The following SREK1IP1 variants were observed in gnomAD, a reference collection of about 807,000 sequenced individuals.
SREK1IP1 encodes the protein SREK1 interacting protein 1.
SREK1IP1 carries 12 observed loss-of-function variants against 22.8 expected under a neutral mutation model. That is an observed-to-expected ratio of 0.53 (90% CI 0.34 to 0.85). SREK1IP1 has a LOEUF of 0.85. Among genes scored for constraint, SREK1IP1 ranks in the 40% least tolerant of loss-of-function variants. The pLI is 0.02. For missense variants in SREK1IP1, 147 were observed against 171.8 expected, an observed-to-expected ratio of 0.86 and a Z score of 0.81; for synonymous variants, 53 against 52.7, an observed-to-expected ratio of 1.01 and a Z score of -0.02.
chr5:64,740,971 A>C (rs1742541475), intron 3 of SREK1IP1, 86 bp downstream of exon 3: 1 of 1,233,510 alleles, frequency 8.1e-7, no homozygotes, highest in African/African-American at 1.5e-5. Context: ...TATAAAAGAG[A>C]TCTTAGTAAG....
In SREK1IP1 at chr5:64,746,753, G is replaced by A. The variant is rs370998645; in HGVS notation, c.62-5553C>T. On this transcript the variant is annotated intron_variant, in intron 2 of 4. Transcript: ENST00000513458. ...TTCTCCAACTTTCTGGACACTAACT[G>A]GGTGTTCAACAATTCAATTCAATTC... is the stretch of plus-strand genomic sequence containing the variant. 3.3e-5 allele frequency among the ~76,000 whole-genome samples: 5 copies of A among 152,204 alleles called. No homozygotes were observed. The South Asian group carries it at 1.0e-3, about 32-fold the overall frequency.
In SREK1IP1 at chr5:64,746,329, C is replaced by A. The variant is rs1360432491; in HGVS notation, c.62-5129G>T. Among the ~76,000 whole-genome samples, 4 of 152,074 alleles carry A rather than the reference C, an allele frequency of 2.6e-5. No individual in the cohort carries two copies. In the East Asian group the frequency reaches 7.7e-4, roughly 29 times the overall value. On this transcript the variant is annotated intron_variant, in intron 2 of 4. Coordinates refer to ENST00000513458, the MANE Select transcript of SREK1IP1 (RefSeq NM_173829.4). ...GGCAATGGATTCTTAGATCTAACAC[C>A]AAAAGCACAAGCAACAAAAGAAAAA...
At chr5:64,759,671 A>C (rs567701119) in intron 1 of SREK1IP1, among the ~76,000 whole-genome samples, 1 of 152,338 alleles carries the variant, frequency 6.6e-6, no homozygotes, top group African/African-American at 2.4e-5. Context: ...GAAAAAGATC[A>C]GTAACCAACA....
intron 1 of SREK1IP1, among the ~76,000 whole-genome samples, chr5:64,755,992 T>G (rs1742833463): frequency 6.6e-6 from 1 of 152,074 alleles, no homozygotes; most frequent in African/African-American, 2.4e-5. Context: ...AATATCTAAA[T>G]TCAACACTCA....
chr5:64,755,875 G>T (rs1742829983), intron 1 of SREK1IP1, among the ~76,000 whole-genome samples: 1 of 151,446 alleles, frequency 6.6e-6, no homozygotes, highest in Non-Finnish European at 1.5e-5. Context: ...ATACATTAAG[G>T]TTAACAAATA....
At chr5:64,725,037 GT>G (rs1742240075) in intron 4 of SREK1IP1, among the ~76,000 whole-genome samples, 1 of 152,128 alleles carries the variant, frequency 6.6e-6, no homozygotes. Context: ...AAAGCTGAAA[GT>G]TAGCAAAATA....
intron 3 of SREK1IP1, among the ~76,000 whole-genome samples, chr5:64,737,251 A>G (rs1035271885): frequency 1.3e-5 from 2 of 152,056 alleles, no homozygotes; most frequent in Non-Finnish European, 2.9e-5. Context: ...TCTGACCACA[A>G]TGGTATGAAA....
chr5:64,727,553 A>ATTTTTTTTTTTTTTT (rs1186653493), intron 4 of SREK1IP1: 1 of 84,716 alleles, frequency 1.2e-5, no homozygotes, highest in African/African-American at 5.5e-5. Flanking sequence ...ATATATATAT[A>ATTTTTTTTTTTTTTT]TTTTTTTTTT....
intron 3 of SREK1IP1, among the ~76,000 whole-genome samples, chr5:64,730,550 G>A (rs530548127): frequency 1.2e-4 from 18 of 152,230 alleles, no homozygotes; most frequent in African/African-American, 3.1e-4. Context: ...CGAAAGGAAG[G>A]ACAGTCCTTC....
intron 4 of SREK1IP1, chr5:64,727,566 T>TTTGGTGG (rs1742297856): frequency 6.9e-6 from 1 of 144,318 alleles, no homozygotes; most frequent in East Asian, 2.0e-4. Flanking sequence ...TTTTTTTTTT[T>TTTGGTGG]GGTGGGCGGG....
rs1343308090 is a variant in SREK1IP1 at position 64,724,047 on chromosome 5, C to G, written c.*337G>C. On this transcript the variant is annotated 3_prime_UTR_variant, in exon 5 of 5. Transcript: ENST00000513458. The stretch of plus-strand genomic sequence containing the variant: ...ACTCATTAACTGCTAGGTAGATGAC[C>G]CATGTTGATGGCAGTAAAGCCATTT... The G allele has an allele frequency of 4.5e-5, 8 of 177,540 alleles. No homozygotes were observed. The highest frequency in any genetic ancestry group is 9.4e-5 in the Non-Finnish European group (8 of 85,194). The allele number at this position is 177,540 out of a possible 1,614,324, so 11.0% of individuals were successfully genotyped here. A position where few individuals can be genotyped will look rare whatever the true frequency, so the allele number is the denominator to read the frequency against.
intron 1 of SREK1IP1, among the ~76,000 whole-genome samples, chr5:64,763,553 A>G (rs201724398): frequency 6.6e-6 from 1 of 150,964 alleles, no homozygotes; most frequent in Non-Finnish European, 1.5e-5. Context: ...CCCCAAAAAA[A>G]GAAAAAAAAA....
intron 3 of SREK1IP1, among the ~76,000 whole-genome samples, chr5:64,731,161 T>G (rs1742371725): frequency 1.3e-5 from 2 of 152,106 alleles, no homozygotes; most frequent in African/African-American, 4.8e-5. Flanking sequence ...AAAGATCATT[T>G]TCAATGATAA....
At chr5:64,749,105 AT>A (rs1186853449) in intron 2 of SREK1IP1, among the ~76,000 whole-genome samples, 10 of 144,944 alleles carry the variant, frequency 6.9e-5, no homozygotes, top group Non-Finnish European at 1.2e-4. Flanking sequence ...AATAATAATA[AT>A]AAAAACCCTC....
intron 1 of SREK1IP1, among the ~76,000 whole-genome samples, chr5:64,756,632 C>T (rs1742846221): frequency 6.6e-6 from 1 of 151,648 alleles, no homozygotes; most frequent in South Asian, 2.1e-4. Flanking sequence ...TTTTCCTTTT[C>T]CTTTTTTTTT....
intron 2 of SREK1IP1, among the ~76,000 whole-genome samples, chr5:64,754,062 A>T (rs1227647537): frequency 1.3e-5 from 2 of 152,204 alleles, no homozygotes; most frequent in African/African-American, 4.8e-5. Flanking sequence ...TCCTTAATCT[A>T]CTACTAACCA....
Position 64,724,220 on chromosome 5 carries a change from T to G in SREK1IP1, c.*164A>C, listed in dbSNP as rs1580534838. ...TTTAATACTTTACAGTTACAGCACA[T>G]TAAAAATATATTGCCAGAGGGATAA... On this transcript the variant is annotated 3_prime_UTR_variant, in exon 5 of 5. Coordinates refer to ENST00000513458, the MANE Select transcript of SREK1IP1 (RefSeq NM_173829.4). 1 of 585,648 alleles carries G rather than the reference T, an allele frequency of 1.7e-6. No homozygotes were observed. Among genetic ancestry groups the G allele is most frequent in the African/African-American group, 1.9e-5 (1 of 52,688 alleles). The allele number at this position is 585,648 out of a possible 1,614,324, so 36.3% of individuals were successfully genotyped here.
intron 1 of SREK1IP1, among the ~76,000 whole-genome samples, chr5:64,758,458 T>C (rs1257214471): frequency 6.6e-6 from 1 of 152,214 alleles, no homozygotes; most frequent in Non-Finnish European, 1.5e-5. Context: ...CCTGTCATAG[T>C]TAAAAACAAA....
intron 3 of SREK1IP1, among the ~76,000 whole-genome samples, chr5:64,740,080 C>A (rs149398065): frequency 1.1e-4 from 16 of 152,104 alleles, no homozygotes; most frequent in Non-Finnish European, 2.2e-4. Flanking sequence ...TATGGCATCA[C>A]GTTTAATCCC....
Sources: allele counts gnomAD v4.1 joint callset (sites outside exome capture counted in the v4.1 genomes callset), GRCh38; gene constraint gnomAD v4.1.1; transcripts MANE v1.5; gene names NCBI Gene and HGNC (gene_info 2026-07-23, HGNC 2026-07-21).